Variants in PAIP2 observed in about 807,000 individuals in gnomAD.
The protein encoded by PAIP2 is poly(A) binding protein interacting protein 2.
A neutral mutation model predicts 14.8 loss-of-function variants in PAIP2; 7 were observed. That is an observed-to-expected ratio of 0.47 (90% CI 0.27 to 0.89). PAIP2 has a LOEUF of 0.89. Among genes scored for constraint, PAIP2 ranks in the 40% least tolerant of loss-of-function variants. The probability of loss-of-function intolerance (pLI) is 0.13; values close to 1 mark genes in which losing one functional copy is unlikely to be tolerated. For missense variants in PAIP2, 122 were observed against 154.7 expected (o/e 0.79, Z 1.12); for synonymous variants, 47 against 45.3 (o/e 1.04, Z -0.15).
chr5:139,364,892 C>A lies in PAIP2; in HGVS notation c.318+149C>A, dbSNP rs943682212. On this transcript the variant is annotated intron_variant, in intron 3 of 3. Coordinates refer to ENST00000265192, the MANE Select transcript of PAIP2 (RefSeq NM_016480.5). ...CGGGCATGTGGCTCACGCCTGTAATCCCAGCACTTTGGGAGGCCGAGGCAG... is the reference window on the plus strand; with the variant it reads ...CGGGCATGTGGCTCACGCCTGTAATACCAGCACTTTGGGAGGCCGAGGCAG... 1.6e-5 allele frequency: 9 copies of A among 551,576 alleles called. No homozygotes were observed. In the South Asian group the frequency reaches 2.1e-4, roughly 13 times the overall value. The allele number at this position is 551,576 out of a possible 1,614,324, so 34.2% of individuals were successfully genotyped here.
chr5:139,359,355 T>TC (rs1757005799), intron 1 of PAIP2, among the ~76,000 whole-genome samples: 1 of 151,948 alleles, frequency 6.6e-6, no homozygotes, highest in African/African-American at 2.4e-5. Context: ...GCCAGGCTGG[T>TC]CTCAAACTCC....
chr5:139,357,934 G>A (rs925596741), intron 1 of PAIP2, among the ~76,000 whole-genome samples: 4 of 152,136 alleles, frequency 2.6e-5, no homozygotes, highest in African/African-American at 4.8e-5. Flanking sequence ...ATGGCACTAG[G>A]GTAGTTTAAA....
intron 1 of PAIP2, among the ~76,000 whole-genome samples, chr5:139,361,024 G>A (rs988369605): frequency 6.6e-6 from 1 of 152,090 alleles, no homozygotes; most frequent in East Asian, 1.9e-4. Context: ...CAAGCAGTCC[G>A]CCTGCTTTGT....
chr5:139,350,222 G>C (rs939982875), intron 1 of PAIP2, among the ~76,000 whole-genome samples: 2 of 151,334 alleles, frequency 1.3e-5, no homozygotes, highest in African/African-American at 4.9e-5. Flanking sequence ...GAAATTCTCA[G>C]ACTGGGTCAC....
chr5:139,361,241 C>T (rs1344103453), intron 1 of PAIP2, among the ~76,000 whole-genome samples: 1 of 151,950 alleles, frequency 6.6e-6, no homozygotes. Context: ...ATTTTTATTA[C>T]ACTTATGTCC....
intron 1 of PAIP2, among the ~76,000 whole-genome samples, chr5:139,360,600 CT>C (rs1757040092): frequency 6.6e-6 from 1 of 151,818 alleles, no homozygotes; most frequent in Non-Finnish European, 1.5e-5. Flanking sequence ...TCAGGAGATC[CT>C]CCTACCTTGG....
At chr5:139,348,367 T>TC (rs1319775669) in intron 1 of PAIP2, among the ~76,000 whole-genome samples, 4 of 150,878 alleles carry the variant, frequency 2.7e-5, no homozygotes, top group African/African-American at 7.3e-5. Flanking sequence ...TTTTTTTTTT[T>TC]TTTTTGAGAC....
intron 1 of PAIP2, among the ~76,000 whole-genome samples, chr5:139,351,985 T>G (rs992002109): frequency 3.3e-5 from 5 of 152,116 alleles, no homozygotes; most frequent in African/African-American, 1.2e-4. Flanking sequence ...TGTCCAAAAA[T>G]TTTCAAATGA....
At chr5:139,359,469 G>A (rs924569823) in intron 1 of PAIP2, among the ~76,000 whole-genome samples, 1 of 151,910 alleles carries the variant, frequency 6.6e-6, no homozygotes, top group African/African-American at 2.4e-5. Context: ...GCATAAGTTG[G>A]GACAGGATAC....
intron 1 of PAIP2, among the ~76,000 whole-genome samples, chr5:139,360,962 A>T (rs1341917582): frequency 1.3e-5 from 2 of 151,500 alleles, no homozygotes; most frequent in East Asian, 3.9e-4. Flanking sequence ...TTGTATTTGT[A>T]GTAGAGATGG....
intron 1 of PAIP2, among the ~76,000 whole-genome samples, chr5:139,357,212 G>A (rs952622428): frequency 6.6e-6 from 1 of 152,166 alleles, no homozygotes; most frequent in African/African-American, 2.4e-5. Context: ...TCCTGCATGG[G>A]CAGAGCCTGA....
In PAIP2 at chr5:139,341,998, G is replaced by C. The variant is rs1756391594; in HGVS notation, c.-27+18G>C. 2 of 152,736 alleles carry C rather than the reference G, an allele frequency of 1.3e-5. No individual in the cohort carries two copies. The highest frequency in any genetic ancestry group is 4.8e-5 in the African/African-American group (2 of 41,436). The allele number at this position is 152,736 out of a possible 1,614,324, so 9.5% of individuals were successfully genotyped here. ...TGCATTGGGTGAGGGGTCCTCTCGGGCAGAGTGGCGACAGGGGTGCGGAGG... is the reference window on the plus strand; with the variant it reads ...TGCATTGGGTGAGGGGTCCTCTCGGCCAGAGTGGCGACAGGGGTGCGGAGG... On this transcript the variant is annotated intron_variant, in intron 1 of 3. Transcript: ENST00000265192.
chr5:139,352,401 G>A (rs1372642272), intron 1 of PAIP2, among the ~76,000 whole-genome samples: 2 of 150,512 alleles, frequency 1.3e-5, no homozygotes, highest in Non-Finnish European at 2.9e-5. Context: ...CAGTTTTAGG[G>A]TTTTAAAGCA....
At chr5:139,368,103 A>G (rs550963187) in intron 3 of PAIP2, among the ~76,000 whole-genome samples, 217 of 152,338 alleles carry the variant, frequency 1.4e-3, no homozygotes, top group African/African-American at 4.8e-3. Flanking sequence ...TGGGAGGCCA[A>G]GGCGGGCGGA....
intron 3 of PAIP2, 61 bp from the exon 4 acceptor site, chr5:139,368,672 G>C (rs1757454969): frequency 8.0e-6 from 9 of 1,123,464 alleles, no homozygotes; most frequent in Non-Finnish European, 8.1e-6. Context: ...TGAGGATCTA[G>C]ATTGAATTAG....
chr5:139,350,586 G>C (rs1756697358), intron 1 of PAIP2, among the ~76,000 whole-genome samples: 1 of 151,654 alleles, frequency 6.6e-6, no homozygotes, highest in South Asian at 2.1e-4. Flanking sequence ...AGCCGAGATT[G>C]TGCCACTGCA....
chr5:139,361,734 C>A (rs986859221), intron 1 of PAIP2, among the ~76,000 whole-genome samples: 2 of 152,060 alleles, frequency 1.3e-5, no homozygotes, highest in Non-Finnish European at 2.9e-5. Flanking sequence ...CATTTGAGGT[C>A]TTGAGTTCAA....
At chr5:139,349,257 G>A (rs1209520865) in intron 1 of PAIP2, among the ~76,000 whole-genome samples, 2 of 151,844 alleles carry the variant, frequency 1.3e-5, no homozygotes, top group Non-Finnish European at 2.9e-5. Context: ...TGTTGTTGTT[G>A]TTTTTCTCTG....
chr5:139,348,621 T>C (rs1756630695), intron 1 of PAIP2, among the ~76,000 whole-genome samples: 2 of 151,834 alleles, frequency 1.3e-5, no homozygotes, highest in African/African-American at 4.8e-5. Context: ...CCTCCCAAAG[T>C]GCTGGGATTA....
Sources: gnomAD v4.1 joint callset for allele counts (sites outside exome capture counted in the v4.1 genomes callset) on GRCh38, gnomAD v4.1.1 for gene constraint, MANE v1.5 for transcripts, NCBI Gene and HGNC (gene_info 2026-07-23, HGNC 2026-07-21) for gene names.